BLTP1: variants seen among roughly 807,000 people sequenced by gnomAD.
BLTP1 encodes the protein bridge-like lipid transfer protein family member 1.
chr4:122,348,718 G>T, the BLTP1 span: 5 of 1,570,656 alleles, frequency 3.2e-6, no homozygotes, highest in Non-Finnish European at 4.4e-6. Context: ...GAAATACAAC[G>T]TAAGCTATTC....
At chr4:122,259,858 C>CA in the BLTP1 span, 28,405 of 618,492 alleles carry the variant, frequency 0.046, no homozygotes, top group Non-Finnish European at 0.052. Context: ...GACGCCATCT[C>CA]AAAAAAAAAA....
chr4:122,248,743 A>G, the BLTP1 span, among the ~76,000 whole-genome samples: 5 of 152,054 alleles, frequency 3.3e-5, no homozygotes, highest in African/African-American at 9.7e-5. Context: ...GATATCTTTG[A>G]AAAAATTTTA....
chr4:122,334,493 C>A, the BLTP1 span: 13 of 1,612,662 alleles, frequency 8.1e-6, no homozygotes, highest in African/African-American at 1.5e-4. Context: ...CTTCCACTGT[C>A]CAGAGCAAGA....
At chr4:122,210,961 C>T in the BLTP1 span, 2 of 1,613,252 alleles carry the variant, frequency 1.2e-6, no homozygotes, top group Non-Finnish European at 1.7e-6. Flanking sequence ...TGTTTCTTCT[C>T]CCTCTACTTC....
the BLTP1 span, chr4:122,174,610 T>C: frequency 6.2e-7 from 1 of 1,608,924 alleles, no homozygotes; most frequent in African/African-American, 1.3e-5. Context: ...GGAAAAGTCA[T>C]GGTTCGTGAA....
At chr4:122,341,499 T>C in the BLTP1 span, among the ~76,000 whole-genome samples, 2 of 152,204 alleles carry the variant, frequency 1.3e-5, no homozygotes, top group Non-Finnish European at 2.9e-5. Flanking sequence ...TCATAAATTA[T>C]TAGCACTTAA....
the BLTP1 span, chr4:122,189,735 T>G: frequency 1.1e-6 from 1 of 887,608 alleles, no homozygotes; most frequent in Non-Finnish European, 1.3e-6. Flanking sequence ...AAAACCAAAT[T>G]TTTTTTTCTT....
chr4:122,314,030 T>C, the BLTP1 span: 1 of 959,686 alleles, frequency 1.0e-6, no homozygotes, highest in Non-Finnish European at 1.2e-6. Context: ...CAATAAAACA[T>C]AAAATTCCGG....
At chr4:122,296,600 A>G in the BLTP1 span, among the ~76,000 whole-genome samples, 3 of 152,286 alleles carry the variant, frequency 2.0e-5, no homozygotes, top group South Asian at 6.2e-4. Flanking sequence ...AAAGAGCCCA[A>G]ATAGCCAAGA....
the BLTP1 span, chr4:122,246,943 A>T: frequency 1.4e-6 from 2 of 1,417,108 alleles, no homozygotes; most frequent in African/African-American, 2.9e-5. Context: ...TGGAATTTCA[A>T]ATCTTAATTT....
the BLTP1 span, chr4:122,333,936 C>A: frequency 1.7e-6 from 2 of 1,169,492 alleles, no homozygotes; most frequent in Non-Finnish European, 2.3e-6. Flanking sequence ...TCTAATATAG[C>A]CATATTCTGG....
chr4:122,344,703 C>A, the BLTP1 span: 1 of 1,208,422 alleles, frequency 8.3e-7, no homozygotes, highest in Non-Finnish European at 1.1e-6. Context: ...GAATGCCCAG[C>A]CTACGGTACT....
At chr4:122,199,407 C>G in the BLTP1 span, 1 of 1,613,564 alleles carries the variant, frequency 6.2e-7, no homozygotes, top group South Asian at 1.1e-5. Context: ...GATGCCACTA[C>G]CAGCATGCAA....
At chr4:122,212,119 G>T in the BLTP1 span, 1 of 970,872 alleles carries the variant, frequency 1.0e-6, no homozygotes, top group Non-Finnish European at 1.2e-6. Context: ...GCACAATCAA[G>T]GTTTGTTAGT....
chr4:122,187,391 A>G, the BLTP1 span: 1 of 1,606,960 alleles, frequency 6.2e-7, no homozygotes, highest in Non-Finnish European at 8.5e-7. Flanking sequence ...CAGGTATTTA[A>G]GGTTTTCTTA....
At chr4:122,219,816 C>T in the BLTP1 span, among the ~76,000 whole-genome samples, 3 of 152,090 alleles carry the variant, frequency 2.0e-5, no homozygotes, top group Non-Finnish European at 4.4e-5. Flanking sequence ...AATGTCAGGA[C>T]ATCGTGTCAT....
chr4:122,177,056 A>G, the BLTP1 span, among the ~76,000 whole-genome samples: 4 of 152,166 alleles, frequency 2.6e-5, no homozygotes, highest in Non-Finnish European at 5.9e-5. Flanking sequence ...TCCTCAGACC[A>G]CTAGGGTCAA....
the BLTP1 span, chr4:122,281,874 T>G: frequency 2.0e-4 from 264 of 1,326,122 alleles, no homozygotes; most frequent in Admixed American, 2.9e-4. Context: ...ATAGATATTA[T>G]AAGTAATTTT....
At chr4:122,350,004 C>T in the BLTP1 span, 1 of 1,613,960 alleles carries the variant, frequency 6.2e-7, no homozygotes, top group South Asian at 1.1e-5. Flanking sequence ...CTCTGTCTAC[C>T]TGGGGACCAG....
Sources: gnomAD v4.1 joint callset for allele counts (sites outside exome capture counted in the v4.1 genomes callset) on GRCh38, gnomAD v4.1.1 for gene constraint, MANE v1.5 for transcripts, NCBI Gene and HGNC (gene_info 2026-07-23, HGNC 2026-07-21) for gene names.